Variants in ARHGAP24 observed in about 807,000 individuals in gnomAD.
ARHGAP24 encodes the protein Rho GTPase activating protein 24.
ARHGAP24 carries 50 observed loss-of-function variants against 76.4 expected under a neutral mutation model. The observed-to-expected ratio is 0.65, with a 90% CI of 0.52 to 0.83. The LOEUF is 0.83. ARHGAP24 is among the 40% of genes least tolerant of loss of function. The pLI, the probability that ARHGAP24 is intolerant of heterozygous loss-of-function variation, is 0.00. For synonymous variants in ARHGAP24, 345 were observed against 323.3 expected, an observed-to-expected ratio of 1.07 and a Z score of -0.72; for missense variants, 930 against 914.2, an observed-to-expected ratio of 1.02 and a Z score of -0.22.
intron 3 of ARHGAP24, among the ~76,000 whole-genome samples, chr4:85,843,902 C>A (rs1045413948): frequency 2.6e-5 from 4 of 151,902 alleles, no homozygotes; most frequent in Non-Finnish European, 5.9e-5. Context: ...TTCTTTACAG[C>A]TAAATGTATA....
intron 1 of ARHGAP24, among the ~76,000 whole-genome samples, chr4:85,565,980 T>A (rs1341729909): frequency 6.6e-6 from 1 of 152,170 alleles, no homozygotes; most frequent in East Asian, 1.9e-4. Flanking sequence ...CAAACAGTTG[T>A]TGAAACCAGT....
At chr4:85,827,795 C>A in intron 3 of ARHGAP24, 1 of 656,174 alleles carries the variant, frequency 1.5e-6, no homozygotes, top group Non-Finnish European at 2.3e-6. Flanking sequence ...GGGGAGCGAG[C>A]CGTGGTTTCC....
intron 2 of ARHGAP24, among the ~76,000 whole-genome samples, chr4:85,625,480 T>TTC (rs201760590): frequency 0.93 from 141,329 of 151,794 alleles, 65,830 homozygotes; most frequent in East Asian, 0.98. Context: ...CTGAGGAGAG[T>TTC]TTTACTTCCA....
intron 2 of ARHGAP24, among the ~76,000 whole-genome samples, chr4:85,694,448 G>A (rs965150272): frequency 1.3e-5 from 2 of 151,862 alleles, no homozygotes; most frequent in Admixed American, 1.3e-4. Context: ...TATTCACCAC[G>A]GTATACCAAG....
chr4:85,574,228 A>T (rs950072972), intron 2 of ARHGAP24, among the ~76,000 whole-genome samples: 2 of 152,206 alleles, frequency 1.3e-5, no homozygotes, highest in Admixed American at 1.3e-4. Flanking sequence ...CAATAAAAAG[A>T]GTCAAATCAA....
At chr4:85,504,182 A>T (rs563283755) in intron 1 of ARHGAP24, among the ~76,000 whole-genome samples, 44 of 152,328 alleles carry the variant, frequency 2.9e-4, no homozygotes, top group Non-Finnish European at 5.9e-4. Context: ...GCTGAGAAGA[A>T]TGTATATTCT....
At chr4:85,891,334 A>G (rs1280915397) in intron 3 of ARHGAP24, among the ~76,000 whole-genome samples, 1 of 142,112 alleles carries the variant, frequency 7.0e-6, no homozygotes, top group East Asian at 2.1e-4. Flanking sequence ...CTCTTTTCCT[A>G]ATTGAATACC....
intron 2 of ARHGAP24, among the ~76,000 whole-genome samples, chr4:85,632,716 T>G (rs1721196139): frequency 6.6e-6 from 1 of 152,046 alleles, no homozygotes; most frequent in African/African-American, 2.4e-5. Context: ...TCCAATGAAA[T>G]GTTTGCCTCT....
intron 3 of ARHGAP24, among the ~76,000 whole-genome samples, chr4:85,757,890 C>T (rs1444849520): frequency 1.3e-5 from 2 of 152,146 alleles, no homozygotes; most frequent in Admixed American, 1.3e-4. Context: ...TGTTTCCTGA[C>T]TTTTTAATGA....
rs75247148 is a variant in ARHGAP24 at position 85,514,122 on chromosome 4, T to A, written c.-21+38563T>A. On this transcript the variant is annotated intron_variant, in intron 1 of 9. Transcript: ENST00000395184. ...GATGAAGCAAATTTTTCTCTTTTAGTGTAGCCTGGGAGCTACAGCCCCAGA... is the reference window on the plus strand; with the variant it reads ...GATGAAGCAAATTTTTCTCTTTTAGAGTAGCCTGGGAGCTACAGCCCCAGA... 9.3e-3 allele frequency among the ~76,000 whole-genome samples: 1,416 copies of A among 152,212 alleles called. 11 individuals carry two copies. Among genetic ancestry groups the A allele is most frequent in the Non-Finnish European group, 0.016 (1,119 of 67,976 alleles).
At chr4:85,736,356 T>C (rs1725606778) in intron 3 of ARHGAP24, among the ~76,000 whole-genome samples, 1 of 152,230 alleles carries the variant, frequency 6.6e-6, no homozygotes, top group African/African-American at 2.4e-5. Context: ...TAACCATTTA[T>C]AAATATTTGT....
intron 7 of ARHGAP24, among the ~76,000 whole-genome samples, chr4:85,976,245 A>T (rs79661101): frequency 1.2e-3 from 185 of 152,320 alleles, no homozygotes; most frequent in African/African-American, 4.3e-3. Flanking sequence ...CTTCAGTGTT[A>T]CTATAGTTTA....
chr4:85,623,156 C>A (rs1056499184), intron 2 of ARHGAP24, among the ~76,000 whole-genome samples: 5 of 152,208 alleles, frequency 3.3e-5, no homozygotes, highest in African/African-American at 1.2e-4. Context: ...GTGTTTTAGA[C>A]ACGAAGTCCT....
At chr4:85,905,395 G>T (rs542849407) in intron 3 of ARHGAP24, among the ~76,000 whole-genome samples, 1 of 150,870 alleles carries the variant, frequency 6.6e-6, no homozygotes, top group South Asian at 2.1e-4. Flanking sequence ...TGTTTTTTTG[G>T]CATGAAAAAA....
At chr4:85,885,741 G>A (rs1733530812) in intron 3 of ARHGAP24, among the ~76,000 whole-genome samples, 1 of 151,974 alleles carries the variant, frequency 6.6e-6, no homozygotes, top group African/African-American at 2.4e-5. Context: ...TAAATGACAT[G>A]GCAAACTAAA....
chr4:85,736,979 A>G (rs1190690812), intron 3 of ARHGAP24, among the ~76,000 whole-genome samples: 3 of 152,178 alleles, frequency 2.0e-5, no homozygotes, highest in Non-Finnish European at 4.4e-5. Context: ...TTCAAATTCA[A>G]TGATAAGTTT....
intron 1 of ARHGAP24, among the ~76,000 whole-genome samples, chr4:85,558,533 T>C (rs1483980656): frequency 6.6e-6 from 1 of 152,128 alleles, no homozygotes; most frequent in Non-Finnish European, 1.5e-5. Context: ...ATATGAATGA[T>C]GCTATTATTT....
At chr4:85,559,133 T>C (rs9307004) in intron 1 of ARHGAP24, among the ~76,000 whole-genome samples, 129,035 of 152,158 alleles carry the variant, frequency 0.85, 56,237 homozygotes, top group East Asian at 0.98. Flanking sequence ...TCATACGGGC[T>C]TCAGCTTTCC....
At chr4:85,765,515 A>G (rs765822279) in intron 3 of ARHGAP24, among the ~76,000 whole-genome samples, 1 of 152,120 alleles carries the variant, frequency 6.6e-6, no homozygotes, top group Non-Finnish European at 1.5e-5. Flanking sequence ...AAGGGTTTAT[A>G]TATTTTCTTA....
Sources: allele counts gnomAD v4.1 joint callset (sites outside exome capture counted in the v4.1 genomes callset), GRCh38; gene constraint gnomAD v4.1.1; transcripts MANE v1.5; gene names NCBI Gene and HGNC (gene_info 2026-07-23, HGNC 2026-07-21).